TRERF1: variants seen among roughly 807,000 people sequenced by gnomAD.
TRERF1 encodes the protein transcriptional regulating factor 1, also known as transcriptional-regulating factor 1.
In TRERF1, 27 loss-of-function variants were observed where a neutral mutation model predicts 122.9. The ratio of observed to expected loss-of-function variants is 0.22; its 90% CI spans 0.16 to 0.30. The LOEUF is 0.30. Ranked by LOEUF, TRERF1 falls within the 10% of genes least tolerant of loss-of-function variation. The pLI is 1.00. For synonymous variants in TRERF1, 636 were observed against 641.7 expected (o/e 0.99, Z 0.13); for missense variants, 1,248 against 1,560.3 (o/e 0.80, Z 3.37).
intron 4 of TRERF1, among the ~76,000 whole-genome samples, chr6:42,274,511 C>T (rs1477482432): frequency 2.0e-5 from 3 of 151,826 alleles, no homozygotes; most frequent in Admixed American, 2.0e-4. Context: ...CCTGTCTCTA[C>T]TAAAAAAAAA....
chr6:42,297,078 G>A (rs1389188360), intron 4 of TRERF1, among the ~76,000 whole-genome samples: 1 of 152,106 alleles, frequency 6.6e-6, no homozygotes, highest in Admixed American at 6.6e-5. Context: ...GAGAGGAGAG[G>A]GACATATTCT....
chr6:42,371,607 T>G (rs1362310391), intron 2 of TRERF1, among the ~76,000 whole-genome samples: 1 of 152,116 alleles, frequency 6.6e-6, no homozygotes, highest in Non-Finnish European at 1.5e-5. Context: ...GAGGTAGCTT[T>G]TTAAAGAACT....
At chr6:42,303,758 A>G (rs1343996665) in intron 3 of TRERF1, among the ~76,000 whole-genome samples, 1 of 152,076 alleles carries the variant, frequency 6.6e-6, no homozygotes, top group Admixed American at 6.6e-5. Flanking sequence ...CTACAAAAAA[A>G]TACAAAAATT....
chr6:42,419,050 C>A (rs931102247), intron 2 of TRERF1, among the ~76,000 whole-genome samples: 3 of 152,146 alleles, frequency 2.0e-5, no homozygotes, highest in Non-Finnish European at 4.4e-5. Flanking sequence ...CAACCCGGGT[C>A]AAGGGAAAAT....
At chr6:42,357,019 A>G (rs984357495) in intron 3 of TRERF1, among the ~76,000 whole-genome samples, 2 of 152,202 alleles carry the variant, frequency 1.3e-5, no homozygotes, top group African/African-American at 4.8e-5. Flanking sequence ...ACCAGTGGTA[A>G]GGGGTCTGAA....
intron 2 of TRERF1, among the ~76,000 whole-genome samples, chr6:42,440,954 G>A (rs1051451363): frequency 6.6e-6 from 1 of 152,158 alleles, no homozygotes; most frequent in African/African-American, 2.4e-5. Flanking sequence ...CTCTGTTAAT[G>A]AGAAAGCCGA....
chr6:42,391,225 C>T (rs1217202052), intron 2 of TRERF1, among the ~76,000 whole-genome samples: 1 of 152,168 alleles, frequency 6.6e-6, no homozygotes, highest in Non-Finnish European at 1.5e-5. Context: ...AATGTTGGCT[C>T]AGCTACACTG....
intron 4 of TRERF1, among the ~76,000 whole-genome samples, chr6:42,281,004 G>A (rs892767569): frequency 1.3e-5 from 2 of 152,168 alleles, no homozygotes; most frequent in African/African-American, 2.4e-5. Context: ...GTATGTGGAC[G>A]GTGGGAGGGA....
chr6:42,375,930 C>T (rs981605988), intron 2 of TRERF1, among the ~76,000 whole-genome samples: 2 of 152,174 alleles, frequency 1.3e-5, no homozygotes, highest in Admixed American at 6.5e-5. Flanking sequence ...AAACCAAGCA[C>T]ATTAAACAGA....
intron 12 of TRERF1, 87 bp from the exon 13 acceptor site, chr6:42,255,013 T>G: frequency 7.1e-7 from 1 of 1,409,592 alleles, no homozygotes; most frequent in South Asian, 1.2e-5. Flanking sequence ...GGAAAAGCGG[T>G]TAGCACTGTG....
At chr6:42,317,630 C>T (rs928427352) in intron 3 of TRERF1, among the ~76,000 whole-genome samples, 1 of 152,040 alleles carries the variant, frequency 6.6e-6, no homozygotes, top group Admixed American at 6.6e-5. Flanking sequence ...GCTGGGATTA[C>T]AAGCGTGAGC....
At chr6:42,262,696 C>G (rs535116551) in intron 8 of TRERF1, among the ~76,000 whole-genome samples, 2 of 151,988 alleles carry the variant, frequency 1.3e-5, no homozygotes, top group Non-Finnish European at 2.9e-5. Flanking sequence ...AAAAACAAAT[C>G]TCTTTGCTTT....
intron 14 of TRERF1, among the ~76,000 whole-genome samples, chr6:42,245,323 G>A (rs113070656): frequency 0.024 from 3,650 of 152,340 alleles, 147 homozygotes; most frequent in African/African-American, 0.082. Context: ...GCGGAGGCGA[G>A]GCGGAGGCAA....
chr6:42,298,865 A>G (rs915803006), intron 4 of TRERF1, among the ~76,000 whole-genome samples: 1 of 152,068 alleles, frequency 6.6e-6, no homozygotes, highest in African/African-American at 2.4e-5. Context: ...GCTTGAGCCC[A>G]GGAGGTGCAG....
intron 4 of TRERF1, among the ~76,000 whole-genome samples, chr6:42,277,039 T>C (rs1293223018): frequency 3.9e-5 from 6 of 152,212 alleles, no homozygotes; most frequent in Admixed American, 3.9e-4. Flanking sequence ...GGGCTGGCTG[T>C]AGTTCTTTAC....
chr6:42,380,593 C>G (rs1775745718), intron 2 of TRERF1, among the ~76,000 whole-genome samples: 1 of 152,202 alleles, frequency 6.6e-6, no homozygotes, highest in Admixed American at 6.5e-5. Flanking sequence ...AAATGTCTCA[C>G]TCTCTGACTT....
At chr6:42,318,480 GCC>G (rs1762864201) in intron 3 of TRERF1, among the ~76,000 whole-genome samples, 1 of 152,168 alleles carries the variant, frequency 6.6e-6, no homozygotes, top group Admixed American at 6.5e-5. Flanking sequence ...CAGTGAAACA[GCC>G]AAGACGAACC....
At chr6:42,416,731 T>G (rs1224529905) in intron 2 of TRERF1, among the ~76,000 whole-genome samples, 1 of 152,222 alleles carries the variant, frequency 6.6e-6, no homozygotes, top group East Asian at 1.9e-4. Context: ...TAGGACAATG[T>G]AAATGGCATT....
chr6:42,266,155 C>T (rs897191615), intron 5 of TRERF1, among the ~76,000 whole-genome samples: 1 of 151,546 alleles, frequency 6.6e-6, no homozygotes, highest in Non-Finnish European at 1.5e-5. Flanking sequence ...GTGGGAGACG[C>T]AGCATTATGC....
Sources: allele counts gnomAD v4.1 joint callset (sites outside exome capture counted in the v4.1 genomes callset), GRCh38; gene constraint gnomAD v4.1.1; transcripts MANE v1.5; gene names NCBI Gene and HGNC (gene_info 2026-07-23, HGNC 2026-07-21).